The following MITF variants were observed in gnomAD, a reference collection of about 807,000 sequenced individuals.
The protein encoded by MITF is microphthalmia-associated transcription factor.
Under a neutral mutation model 60.5 loss-of-function variants are expected in MITF, and 17 were observed. The ratio of observed to expected loss-of-function variants is 0.28; its 90% CI spans 0.19 to 0.42. The LOEUF (loss-of-function observed/expected upper bound fraction) is 0.42, where lower values mean the gene tolerates loss of function less well. Ranked by LOEUF, MITF falls within the 10% of genes least tolerant of loss-of-function variation. The probability of loss-of-function intolerance (pLI) is 1.00; values close to 1 mark genes in which losing one functional copy is unlikely to be tolerated. For synonymous variants in MITF, 260 were observed against 248.5 expected (o/e 1.05, Z -0.43); for missense variants, 622 against 683.5 (o/e 0.91, Z 1.00).
At position 69,906,357 on chromosome 3, in the gene MITF, A is replaced by C. The variant is rs188009970; in HGVS notation, c.354+26974A>C. 4.3e-4 allele frequency among the ~76,000 whole-genome samples: 65 copies of C among 152,260 alleles called. No individual in the cohort carries two copies. The East Asian group carries it at 0.011, about 26-fold the overall frequency. ...ACTCTCTTGATTAGTGTAGCAAGTA[A>C]GTCTTGGAGTCAAGTATTGTCTGAC... On this transcript the variant is annotated intron_variant, in intron 2 of 9. Transcript: ENST00000352241.
At chr3:69,900,912 G>T (rs777031426) in intron 2 of MITF, among the ~76,000 whole-genome samples, 2 of 152,144 alleles carry the variant, frequency 1.3e-5, no homozygotes, top group South Asian at 4.2e-4. Flanking sequence ...AAAAGTAATA[G>T]CCAGGGAGGA....
intron 8 of MITF, among the ~76,000 whole-genome samples, chr3:69,957,853 A>G (rs1321309999): frequency 6.6e-6 from 1 of 152,226 alleles, no homozygotes; most frequent in Non-Finnish European, 1.5e-5. Flanking sequence ...TTAAGACAAA[A>G]CAGACTATAA....
intron 2 of MITF, among the ~76,000 whole-genome samples, chr3:69,917,253 C>A (rs1483931719): frequency 6.6e-6 from 1 of 151,998 alleles, no homozygotes; most frequent in Non-Finnish European, 1.5e-5. Context: ...ATTTAAGTTA[C>A]TGGCATTAAG....
chr3:69,765,050 C>G (rs1278386166), intron 1 of MITF, among the ~76,000 whole-genome samples: 1 of 152,160 alleles, frequency 6.6e-6, no homozygotes, highest in Admixed American at 6.5e-5. Flanking sequence ...AGTGTGCACA[C>G]AGGATGGCTG....
At chr3:69,857,051 T>C (rs1486044226) in intron 1 of MITF, among the ~76,000 whole-genome samples, 2 of 152,112 alleles carry the variant, frequency 1.3e-5, no homozygotes. Flanking sequence ...GAATAGTTAT[T>C]GAGTGCCTTC....
At chr3:69,916,998 T>A (rs911595650) in intron 2 of MITF, among the ~76,000 whole-genome samples, 7 of 152,326 alleles carry the variant, frequency 4.6e-5, no homozygotes, top group African/African-American at 1.7e-4. Flanking sequence ...TTGACATATG[T>A]TTAGTGCATG....
intron 1 of MITF, among the ~76,000 whole-genome samples, chr3:69,748,406 AT>A (rs1284117541): frequency 6.6e-6 from 1 of 151,960 alleles, no homozygotes; most frequent in Non-Finnish European, 1.5e-5. Flanking sequence ...TGCTTGACTA[AT>A]TTTTTGTATT....
At chr3:69,744,372 G>A (rs1038340318) in intron 1 of MITF, among the ~76,000 whole-genome samples, 1 of 147,562 alleles carries the variant, frequency 6.8e-6, no homozygotes, top group African/African-American at 2.5e-5. Context: ...TCTAATCTGA[G>A]GGAACCACTA....
chr3:69,905,024 T>C (rs1411794756), intron 2 of MITF, among the ~76,000 whole-genome samples: 1 of 152,184 alleles, frequency 6.6e-6, no homozygotes, highest in East Asian at 1.9e-4. Context: ...AAGTGTATAA[T>C]TTGATAAATT....
chr3:69,780,566 GTC>G (rs2062547039), intron 1 of MITF, among the ~76,000 whole-genome samples: 2 of 152,098 alleles, frequency 1.3e-5, no homozygotes, highest in Admixed American at 1.3e-4. Flanking sequence ...CTAGCTTGGG[GTC>G]TCTCATGGAA....
chr3:69,846,130 T>C (rs959019424), intron 1 of MITF, among the ~76,000 whole-genome samples: 1 of 96,512 alleles, frequency 1.0e-5, no homozygotes, highest in African/African-American at 4.2e-5. Context: ...CCTTGCTGCC[T>C]AGGGCTTTTT....
intron 1 of MITF, among the ~76,000 whole-genome samples, chr3:69,815,924 T>G (rs1453794629): frequency 6.6e-6 from 1 of 152,178 alleles, no homozygotes; most frequent in Non-Finnish European, 1.5e-5. Flanking sequence ...GGATCTAAAG[T>G]CGTCTTATTG....
At chr3:69,896,143 A>C (rs1274492636) in intron 2 of MITF, among the ~76,000 whole-genome samples, 1 of 152,210 alleles carries the variant, frequency 6.6e-6, no homozygotes, top group East Asian at 1.9e-4. Context: ...TGTTGTTGGC[A>C]AATAAGACAG....
intron 1 of MITF, among the ~76,000 whole-genome samples, chr3:69,796,044 C>T (rs1341664856): frequency 6.6e-6 from 1 of 151,986 alleles, no homozygotes; most frequent in Non-Finnish European, 1.5e-5. Flanking sequence ...AGCAGTGGCA[C>T]AATCTTGACT....
At position 69,772,736 on chromosome 3, in the gene MITF, A is replaced by G. The variant is rs552425172; in HGVS notation, c.104+33035A>G. 2.6e-5 allele frequency among the ~76,000 whole-genome samples: 4 copies of G among 152,246 alleles called. No individual in the cohort carries two copies. The South Asian group carries it at 8.3e-4, about 32-fold the overall frequency. ...CCAGCTGCTTCCTATGGGCTGCCAGATGCTAGCAAACGTTTCACAGCTCTT... is the reference window on the plus strand; with the variant it reads ...CCAGCTGCTTCCTATGGGCTGCCAGGTGCTAGCAAACGTTTCACAGCTCTT... On this transcript the variant is annotated intron_variant, in intron 1 of 9. Transcript: ENST00000352241.
intron 2 of MITF, among the ~76,000 whole-genome samples, chr3:69,928,136 C>T (rs2107452129): frequency 6.6e-6 from 1 of 152,302 alleles, no homozygotes; most frequent in South Asian, 2.1e-4. Context: ...AGTAGTCCAC[C>T]TACTTCTGTT....
intron 1 of MITF, among the ~76,000 whole-genome samples, chr3:69,826,627 G>A (rs972845144): frequency 1.3e-5 from 2 of 152,066 alleles, no homozygotes; most frequent in Non-Finnish European, 2.9e-5. Context: ...GTTCAGTCTT[G>A]GTCTAGTTCT....
intron 1 of MITF, among the ~76,000 whole-genome samples, chr3:69,765,397 T>C (rs1436649635): frequency 6.6e-6 from 1 of 152,228 alleles, no homozygotes; most frequent in Non-Finnish European, 1.5e-5. Flanking sequence ...AAAAGTCATA[T>C]GTTTATTCCA....
chr3:69,964,962 G>T lies in MITF; in HGVS notation c.1295G>T (p.Ser432Ile), dbSNP rs2066648344. ...CAAGAACCCGTTCTTGAGAACTGCA[G>T]CCAAGACCTCCTTCAGCATCATGCA... ...IKQEPVLENC[S>I]QDLLQHHADL... The change falls in exon 10 of 10, where the codon AGC (serine) becomes ATC (isoleucine). Residue 432 changes from serine (S) to isoleucine (I), a missense_variant. Ser to Ile is a moderately radical substitution (Grantham distance 142). This residue lies in a region of MITF where 224 missense variants were observed against 209.5 expected (regional missense o/e 1.07). Coordinates refer to ENST00000352241, the MANE Select transcript of MITF (RefSeq NM_001354604.2). 4 of 1,614,088 alleles carry T rather than the reference G, an allele frequency of 2.5e-6. No homozygotes were observed. The highest frequency in any genetic ancestry group is 3.4e-6 in the Non-Finnish European group (4 of 1,180,020).
Sources: gnomAD v4.1 joint callset for allele counts (sites outside exome capture counted in the v4.1 genomes callset) on GRCh38, gnomAD v4.1.1 for gene constraint, gnomAD v4.1.1 regional missense constraint, MANE v1.5 for transcripts, NCBI Gene and HGNC (gene_info 2026-07-23, HGNC 2026-07-21) for gene names.